ELFN1: variants seen among roughly 807,000 people sequenced by gnomAD.
The protein encoded by ELFN1 is protein ELFN1.
A neutral mutation model predicts 7.6 loss-of-function variants in ELFN1; 6 were observed. That is an observed-to-expected ratio of 0.79 (90% CI 0.43 to 1.56). The LOEUF (loss-of-function observed/expected upper bound fraction) is 1.56, where lower values mean the gene tolerates loss of function less well. Among genes scored for constraint, ELFN1 ranks in the 40% most tolerant of loss-of-function variants. ELFN1 has a pLI of 0.01. For missense variants in ELFN1, 1,169 were observed against 1,232.2 expected (o/e 0.95, Z 0.77); for synonymous variants, 657 against 588.1 (o/e 1.12, Z -1.70).
intron 2 of ELFN1, among the ~76,000 whole-genome samples, chr7:1,704,087 GT>G (rs1779481606): frequency 6.6e-6 from 1 of 152,210 alleles, no homozygotes; most frequent in African/African-American, 2.4e-5. Flanking sequence ...CTGGAGGATG[GT>G]TCTGCAAGTC....
At chr7:1,732,417 G>T (rs1350477176) in intron 3 of ELFN1, among the ~76,000 whole-genome samples, 4 of 152,174 alleles carry the variant, frequency 2.6e-5, no homozygotes, top group Non-Finnish European at 5.9e-5. Flanking sequence ...GCCACGTAAG[G>T]TTGCAGGGGG....
intron 2 of ELFN1, among the ~76,000 whole-genome samples, chr7:1,702,083 T>C (rs1779438659): frequency 6.6e-6 from 1 of 152,092 alleles, no homozygotes; most frequent in African/African-American, 2.4e-5. Flanking sequence ...TATAATAATA[T>C]CTGAGTCACC....
In ELFN1 at chr7:1,745,355, C is replaced by T. The variant is rs542904872; in HGVS notation, c.759C>T (p.Asp253=). 23 of 1,539,782 alleles carry T rather than the reference C, an allele frequency of 1.5e-5. 1 individual carries two copies. In the Middle Eastern group the frequency reaches 6.7e-4, roughly 45 times the overall value. ...LSKLQSVCTE[D]SYAAEVVGPP... The stretch of plus-strand genomic sequence containing the variant: ...AACTGCAGTCAGTCTGCACCGAGGA[C>T]TCGTACGCGGCTGAGGTGGTCGGGC... Residue 253 remains aspartate (D), a synonymous_variant, in exon 4 of 4, where the codon GAC becomes GAT. Transcript: ENST00000424383.
rs780791439 is a variant in ELFN1, at chr7:1,683,496, A to G, written c.-548-4562A>G. On this transcript the variant is annotated intron_variant, in intron 1 of 3. Coordinates refer to ENST00000424383, the MANE Select transcript of ELFN1 (RefSeq NM_001128636.4). ...TCATAATATTCCTTTATATTTCCAC[A>G]TACATTTGAAAACATTGTGTGGTCT... Among the ~76,000 whole-genome samples, 20 of 152,310 alleles carry G rather than the reference A, an allele frequency of 1.3e-4. 1 individual carries two copies. The highest frequency in any genetic ancestry group is 1.2e-3 in the South Asian group (6 of 4,828).
In ELFN1 at chr7:1,735,964, C is replaced by T. The variant is rs891705913; in HGVS notation, c.-293-8340C>T. On this transcript the variant is annotated intron_variant, in intron 3 of 3. Coordinates refer to ENST00000424383, the MANE Select transcript of ELFN1 (RefSeq NM_001128636.4). This position sits in a 1 kb window ranked among gnomAD's most constrained non-coding sequence, Gnocchi z 5.9. ...TGCCCAAGGTCACACAGCAGGCGCA[C>T]GGCAGAGCCAACACCATCTCCTGGC... Among the ~76,000 whole-genome samples the T allele has an allele frequency of 2.0e-5, 3 of 152,132 alleles. No homozygotes were observed. Among genetic ancestry groups the T allele is most frequent in the Admixed American group, 6.5e-5 (1 of 15,276 alleles).
At chr7:1,690,217 T>A (rs10950331) in intron 2 of ELFN1, among the ~76,000 whole-genome samples, 75,299 of 151,198 alleles carry the variant, frequency 0.5, 20,511 homozygotes, top group African/African-American at 0.74. Context: ...GGATGGATAG[T>A]TGATGGGTGA....
chr7:1,729,013 G>T (rs1050476143), intron 3 of ELFN1, among the ~76,000 whole-genome samples: 1 of 152,136 alleles, frequency 6.6e-6, no homozygotes, highest in African/African-American at 2.4e-5. Context: ...TCACCCAGCT[G>T]GGGAGCAGCC....
rs1780570059 is a variant in ELFN1 at position 1,740,247 on chromosome 7, G to A, written c.-293-4057G>A. Reference sequence around the variant, plus strand: ...AGGAAGGGAGCTCCTTTCAGGCAGTGGGGAGCCGCCCTCCTGAGGGATGCC... The same window carrying A: ...AGGAAGGGAGCTCCTTTCAGGCAGTAGGGAGCCGCCCTCCTGAGGGATGCC... On this transcript the variant is annotated intron_variant, in intron 3 of 3. Coordinates refer to ENST00000424383, the MANE Select transcript of ELFN1 (RefSeq NM_001128636.4). The surrounding 1 kb of genome is among the most constrained non-coding windows in gnomAD (Gnocchi z 5.0). Among the ~76,000 whole-genome samples, 2 of 152,204 alleles carry A rather than the reference G, an allele frequency of 1.3e-5. No homozygotes were observed. Among genetic ancestry groups the A allele is most frequent in the Admixed American group, 6.5e-5 (1 of 15,288 alleles).
intron 3 of ELFN1, among the ~76,000 whole-genome samples, chr7:1,712,523 C>T (rs994036471): frequency 6.6e-6 from 1 of 152,098 alleles, no homozygotes; most frequent in Non-Finnish European, 1.5e-5. Context: ...CCTCCACCTC[C>T]AATTTTCAAG....
intron 3 of ELFN1, among the ~76,000 whole-genome samples, chr7:1,721,895 A>T (rs1438969234): frequency 6.6e-6 from 1 of 152,072 alleles, no homozygotes; most frequent in East Asian, 1.9e-4. Context: ...GTCTTCAGTG[A>T]TTGTATCTGT....
chr7:1,706,411 G>A (rs900148987), intron 2 of ELFN1, among the ~76,000 whole-genome samples: 1 of 151,452 alleles, frequency 6.6e-6, no homozygotes, highest in Non-Finnish European at 1.5e-5. Flanking sequence ...AACAGAGTGA[G>A]ACTCTGTCTC....
intron 1 of ELFN1, among the ~76,000 whole-genome samples, chr7:1,679,923 A>G (rs1386669375): frequency 6.6e-6 from 1 of 152,208 alleles, no homozygotes; most frequent in Non-Finnish European, 1.5e-5. Context: ...ATCCTCGAGG[A>G]AAGGAGAGGG....
At chr7:1,733,609 C>A (rs533653974) in intron 3 of ELFN1, among the ~76,000 whole-genome samples, 2 of 152,150 alleles carry the variant, frequency 1.3e-5, no homozygotes, top group Non-Finnish European at 2.9e-5. Context: ...ATCCCAGCCC[C>A]GTCCCAGCCC....
At position 1,745,010 on chromosome 7, in the gene ELFN1, C is replaced by A; in HGVS notation, c.414C>A (p.Tyr138Ter). 6.4e-7 allele frequency: 1 copy of A among 1,551,120 alleles called. No individual in the cohort carries two copies. The highest frequency in any genetic ancestry group is 8.7e-7 in the Non-Finnish European group (1 of 1,146,978). Reference sequence around the variant, plus strand: ...GCCTGGGCAAGCTGGAGTACCTGTACCTGCAGGCCAACCTCATCGAGGTGG... The same window carrying A: ...GCCTGGGCAAGCTGGAGTACCTGTAACTGCAGGCCAACCTCATCGAGGTGG... The part of the protein sequence containing the change: ...LRGLGKLEYL[Y>*]LQANLIEVVM... Residue 138 changes from tyrosine to a stop codon, truncating the protein, a stop_gained, in exon 4 of 4, where the codon TAC becomes TAA. Coordinates refer to ENST00000424383, the MANE Select transcript of ELFN1 (RefSeq NM_001128636.4). LOFTEE classifies it low-confidence loss of function (END_TRUNC).
rs554133089 is a variant in ELFN1 at position 1,746,841 on chromosome 7, G to A, written c.2245G>A (p.Ala749Thr). 3.9e-6 allele frequency: 6 copies of A among 1,536,596 alleles called. No individual in the cohort carries two copies. Among genetic ancestry groups the A allele is most frequent in the East Asian group, 2.5e-5 (1 of 40,314 alleles). The change falls in exon 4 of 4, where the codon GCC becomes ACC. Residue 749 changes from alanine (A) to threonine (T), a missense_variant. By Grantham distance (58) the Ala-to-Thr change is moderately conservative (BLOSUM62 0). Coordinates refer to ENST00000424383, the MANE Select transcript of ELFN1 (RefSeq NM_001128636.4). Reference protein sequence around the residue: ...PLTRPRPRDLAYSQLSPQYHS... With the variant: ...PLTRPRPRDLTYSQLSPQYHS... ...CACCCGGCCGCGGCCCCGCGACCTC[G>A]CCTACTCGCAGCTGTCCCCGCAGTA...
intron 3 of ELFN1, among the ~76,000 whole-genome samples, chr7:1,729,696 CT>C (rs1398660775): frequency 4.6e-4 from 70 of 152,344 alleles, no homozygotes; most frequent in African/African-American, 1.7e-3. Context: ...TCTCTGCAGA[CT>C]CCAGGTGGGA....
intron 2 of ELFN1, among the ~76,000 whole-genome samples, chr7:1,699,145 T>G (rs1300825669): frequency 6.6e-6 from 1 of 152,260 alleles, no homozygotes; most frequent in Non-Finnish European, 1.5e-5. Context: ...CCGTATAGTA[T>G]TCCCATGTAA....
chr7:1,732,184 A>G (rs1183067728), intron 3 of ELFN1, among the ~76,000 whole-genome samples: 1 of 152,126 alleles, frequency 6.6e-6, no homozygotes, highest in Non-Finnish European at 1.5e-5. Context: ...TTCCAGCCCC[A>G]ATCTGGGGGC....
chr7:1,712,297 T>A (rs1413456256), intron 3 of ELFN1, among the ~76,000 whole-genome samples: 4 of 152,008 alleles, frequency 2.6e-5, no homozygotes, highest in Non-Finnish European at 5.9e-5. Flanking sequence ...AGTTTTTGTA[T>A]TTTTAGTAGA....
Sources: gnomAD v4.1 joint callset for allele counts (sites outside exome capture counted in the v4.1 genomes callset) on GRCh38, gnomAD v4.1.1 for gene constraint, Gnocchi (gnomAD v3.1) non-coding constraint, MANE v1.5 for transcripts, NCBI Gene and HGNC (gene_info 2026-07-23, HGNC 2026-07-21) for gene names.